NTN5: variants seen among roughly 807,000 people sequenced by gnomAD.
NTN5 encodes netrin 5.
A neutral mutation model predicts 38.7 loss-of-function variants in NTN5; 42 were observed. The observed-to-expected ratio is 1.08, with a 90% confidence interval of 0.85 to 1.40. The LOEUF is 1.40. NTN5 is among the 40% of genes most tolerant of loss of function. The probability of loss-of-function intolerance (pLI) is 0.00; values close to 1 mark genes in which losing one functional copy is unlikely to be tolerated. For missense variants in NTN5, 658 were observed against 716.5 expected, an observed-to-expected ratio of 0.92 and a Z score of 0.93; for synonymous variants, 329 against 303.9, an observed-to-expected ratio of 1.08 and a Z score of -0.86.
chr19:48,671,939 G>C lies in NTN5; in HGVS notation c.-20-933C>G, dbSNP rs958129973. ...CTGGGTGGCTCTGGGGCTTGGGAGC[G>C]GGACAGTGGGATCCCCATGGGGTCA... On this transcript the variant is annotated intron_variant, in intron 1 of 6. Transcript: ENST00000270235. 3.3e-5 allele frequency among the ~76,000 whole-genome samples: 5 copies of C among 152,036 alleles called. 1 individual carries two copies. The highest frequency in any genetic ancestry group is 1.2e-4 in the African/African-American group (5 of 41,374).
intron 2 of NTN5, among the ~76,000 whole-genome samples, chr19:48,669,063 A>G (rs1601210366): frequency 7.5e-6 from 1 of 133,470 alleles, no homozygotes; most frequent in Non-Finnish European, 1.6e-5. Context: ...CACCATCACC[A>G]CCACCACCAC....
At chr19:48,672,838 C>T (rs935462506) in intron 1 of NTN5, 94 bp downstream of exon 1, 7 of 173,448 alleles carry the variant, frequency 4.0e-5, no homozygotes, top group Non-Finnish European at 6.3e-5. Flanking sequence ...CCTGCCTGGG[C>T]GGCCTGGGGT....
chr19:48,671,775 C>A (rs571800237), intron 1 of NTN5, among the ~76,000 whole-genome samples: 1 of 152,114 alleles, frequency 6.6e-6, no homozygotes, highest in African/African-American at 2.4e-5. Flanking sequence ...ACCCTGGGCA[C>A]GGAAGGGGAT....
intron 2 of NTN5, among the ~76,000 whole-genome samples, chr19:48,666,461 G>A (rs774792175): frequency 2.6e-5 from 4 of 151,832 alleles, no homozygotes; most frequent in African/African-American, 4.8e-5. Context: ...ACTTGAGCCT[G>A]GGAGTTGGAG....
intron 2 of NTN5, among the ~76,000 whole-genome samples, chr19:48,664,971 G>A (rs548400401): frequency 1.3e-5 from 2 of 152,014 alleles, no homozygotes; most frequent in South Asian, 4.2e-4. Flanking sequence ...GGAGTGCAGT[G>A]GCGCGACCTC....
chr19:48,669,885 TCACCATCACCAC>T (rs1182306562), intron 2 of NTN5, among the ~76,000 whole-genome samples: 17 of 69,324 alleles, frequency 2.5e-4, no homozygotes, highest in Admixed American at 9.7e-4. Context: ...ACCACTACCA[TCACCATCACCAC>T]CACCATCACC....
intron 6 of NTN5, 87 bp from the exon 7 acceptor site, chr19:48,662,128 G>A: frequency 7.9e-7 from 1 of 1,273,382 alleles, no homozygotes; most frequent in Non-Finnish European, 1.0e-6. Context: ...GTGGGCAGGA[G>A]CCCGAGACCG....
At chr19:48,669,554 AT>A (rs1229785455) in intron 2 of NTN5, among the ~76,000 whole-genome samples, 2 of 14,394 alleles carry the variant, frequency 1.4e-4, no homozygotes, top group Non-Finnish European at 1.4e-4. Flanking sequence ...CACCACCACC[AT>A]CACCACCACC....
chr19:48,661,624 C>T lies in NTN5; in HGVS notation c.*53G>A, dbSNP rs769814142. On this transcript the variant is annotated 3_prime_UTR_variant, in exon 7 of 7. Coordinates refer to ENST00000270235, the MANE Select transcript of NTN5 (RefSeq NM_145807.4). ...CACCGTCGAGGTAGAAGGCTCAGCT[C>T]CTAGTCGCTCCCAAATTACTTTGTT... 86 of 1,453,534 alleles carry T rather than the reference C, an allele frequency of 5.9e-5. No homozygotes were observed. The highest frequency in any genetic ancestry group is 7.3e-5 in the Non-Finnish European group (81 of 1,109,882). 90.0% of individuals were successfully genotyped at this position (1,453,534 alleles called of 1,614,324 possible).
intron 2 of NTN5, among the ~76,000 whole-genome samples, chr19:48,669,912 C>CCACCAT (rs2031894876): frequency 2.0e-5 from 2 of 98,644 alleles, no homozygotes; most frequent in African/African-American, 3.8e-5. Flanking sequence ...ATCACCACCA[C>CCACCAT]CACCATCACC....
In NTN5 at chr19:48,661,663, G is replaced by C. The variant is rs767982577; in HGVS notation, c.*14C>G. 2.0e-6 allele frequency: 3 copies of C among 1,528,726 alleles called. No homozygotes were observed. In the South Asian group the frequency reaches 3.6e-5, roughly 19 times the overall value. 94.7% of individuals were successfully genotyped at this position (1,528,726 alleles called of 1,614,324 possible). A position where few individuals can be genotyped will look rare whatever the true frequency, so the allele number is the denominator to read the frequency against. ...AATTACTTTGTTGGTGCTCGAGGCA[G>C]CCCCATCTCACGTCTAGTGCTCCGG... On this transcript the variant is annotated 3_prime_UTR_variant, in exon 7 of 7. Coordinates refer to ENST00000270235, the MANE Select transcript of NTN5 (RefSeq NM_145807.4).
chr19:48,664,199 C>T lies in NTN5; in HGVS notation c.914G>A (p.Cys305Tyr), dbSNP rs1168754148. 2 of 1,610,646 alleles carry T rather than the reference C, an allele frequency of 1.2e-6. No individual in the cohort carries two copies. The highest frequency in any genetic ancestry group is 8.5e-7 in the Non-Finnish European group (1 of 1,178,602). ...TCKLGVTGLT[C>Y]NRCGPGYQQS... ...CTGGTAGCCAGGGCCACAGCGGTTG[C>T]AGGTCAGGCCTGTGACCCCTAACTT... The change falls in exon 4 of 7, where the codon TGC (cysteine) becomes TAC (tyrosine). Residue 305 changes from cysteine to tyrosine, a missense_variant. Coordinates refer to ENST00000270235, the MANE Select transcript of NTN5 (RefSeq NM_145807.4).
intron 6 of NTN5, 61 bp from the exon 7 acceptor site, chr19:48,662,102 C>A: frequency 7.4e-7 from 1 of 1,351,616 alleles, no homozygotes; most frequent in East Asian, 3.3e-5. Context: ...CTCTGGGTCC[C>A]GTGGGGTCAG....
In NTN5 at chr19:48,670,504, G is replaced by T. The variant is rs2031929711; in HGVS notation, c.483C>A (p.Gly161=). The change falls in exon 2 of 7, where the codon GGC becomes GGA. Residue 161 remains glycine (G), a synonymous_variant. Coordinates refer to ENST00000270235, the MANE Select transcript of NTN5 (RefSeq NM_145807.4). ...CACGGGCGGCACAGCGGGCAGCGTG[G>T]CCATGACACTGGCAGCGGCCTCTCA... ...AGLRGRCQCH[G]HAARCAARAR... is the part of the protein sequence containing the mutation. 2 of 1,484,070 alleles carry T rather than the reference G, an allele frequency of 1.3e-6. No homozygotes were observed. The highest frequency in any genetic ancestry group is 9.0e-7 in the Non-Finnish European group (1 of 1,115,548). 91.9% of individuals were successfully genotyped at this position (1,484,070 alleles called of 1,614,324 possible).
intron 2 of NTN5, among the ~76,000 whole-genome samples, chr19:48,668,662 C>T (rs942956789): frequency 3.3e-5 from 5 of 152,300 alleles, no homozygotes; most frequent in South Asian, 4.1e-4. Flanking sequence ...CCCTGCCACA[C>T]GCAGCCACTG....
At chr19:48,665,306 T>C (rs1026857513) in intron 2 of NTN5, among the ~76,000 whole-genome samples, 2 of 151,434 alleles carry the variant, frequency 1.3e-5, no homozygotes, top group African/African-American at 2.4e-5. Context: ...TGTGATGGCT[T>C]GTGCCTGTAG....
rs1230489495 is a variant in NTN5, at chr19:48,661,776, C to T, written c.1371G>A (p.Pro457=). 4.1e-6 allele frequency: 6 copies of T among 1,451,166 alleles called. No individual in the cohort carries two copies. The highest frequency in any genetic ancestry group is 2.9e-5 in the East Asian group (1 of 34,746). The allele number at this position is 1,451,166 out of a possible 1,614,324, so 89.9% of individuals were successfully genotyped here. ...GCCGCTTCAGGGGCCGGGCCCAGCGCGGCCTCCATGGCAGCGCGAGGCCGT... is the reference window on the plus strand; with the variant it reads ...GCCGCTTCAGGGGCCGGGCCCAGCGTGGCCTCCATGGCAGCGCGAGGCCGT... ...DRHGLALPWR[P]RWARPLKRLQ... Residue 457 remains proline (P), a synonymous_variant, in exon 7 of 7, where the codon CCG becomes CCA. Transcript: ENST00000270235.
chr19:48,664,039 C>T, intron 4 of NTN5, 104 bp downstream of exon 4: 1 of 1,397,096 alleles, frequency 7.2e-7, no homozygotes, highest in Non-Finnish European at 9.6e-7. Flanking sequence ...GCCTTGGGCT[C>T]CCAATTCCCA....
rs746938143 is a variant in NTN5 at position 48,670,952 on chromosome 19, C to T, written c.35G>A (p.Gly12Asp). 5.8e-6 allele frequency: 9 copies of T among 1,557,236 alleles called. No homozygotes were observed. The South Asian group carries it at 1.1e-4, about 19-fold the overall frequency. The part of the protein sequence containing the change: ...PVTFALLLLL[G>D]QATADPCYDP... ...GTAGCATGGGTCCGCAGTGGCCTGG[C>T]CCAGGAGGAGCAGGAGGGCAAAGGT... is the stretch of plus-strand genomic sequence containing the variant. Residue 12 changes from glycine to aspartate, a missense_variant, in exon 2 of 7, where the codon GGC (glycine) becomes GAC (aspartate). Transcript: ENST00000270235.
Sources: gnomAD v4.1 joint callset for allele counts (sites outside exome capture counted in the v4.1 genomes callset) on GRCh38, gnomAD v4.1.1 for gene constraint, MANE v1.5 for transcripts, NCBI Gene and HGNC (gene_info 2026-07-23, HGNC 2026-07-21) for gene names.